The following ST6GALNAC3 variants were observed in gnomAD, a reference collection of about 807,000 sequenced individuals.
ST6GALNAC3 encodes alpha-N-acetylgalactosaminide alpha-2,6-sialyltransferase 3.
In ST6GALNAC3, 25 loss-of-function variants were observed where a neutral mutation model predicts 32.7. That is an observed-to-expected ratio of 0.76 (90% CI 0.56 to 1.07). The LOEUF is 1.07. Among genes scored for constraint, ST6GALNAC3 ranks in the 50% least tolerant of loss-of-function variants. The pLI is 0.00. For missense variants in ST6GALNAC3, 355 were observed against 382.4 expected, an observed-to-expected ratio of 0.93 and a Z score of 0.60; for synonymous variants, 129 against 133.1, an observed-to-expected ratio of 0.97 and a Z score of 0.21.
rs1456436559 is a variant in ST6GALNAC3, at chr1:76,632,071, T to C, written c.*3265T>C. The C allele has an allele frequency of 6.6e-6, 1 of 152,094 alleles. No individual in the cohort carries two copies. Among genetic ancestry groups the C allele is most frequent in the Non-Finnish European group, 1.5e-5 (1 of 68,002 alleles). The allele number at this position is 152,094 out of a possible 1,614,324, so 9.4% of individuals were successfully genotyped here. A position where few individuals can be genotyped will look rare whatever the true frequency, so the allele number is the denominator to read the frequency against. The stretch of plus-strand genomic sequence containing the variant: ...ATTTGTGTGTGTGTGAACGCACATA[T>C]ATATACATCTATATACTTATAACTA... On this transcript the variant is annotated 3_prime_UTR_variant, in exon 5 of 5. Transcript: ENST00000328299.
intron 1 of ST6GALNAC3, among the ~76,000 whole-genome samples, chr1:76,167,624 C>G (rs1213836929): frequency 6.7e-6 from 1 of 148,742 alleles, no homozygotes; most frequent in Admixed American, 6.7e-5. Flanking sequence ...TGGCCCTGGG[C>G]TTTTATTGGT....
At chr1:76,338,280 A>G (rs1647669477) in intron 2 of ST6GALNAC3, among the ~76,000 whole-genome samples, 1 of 152,198 alleles carries the variant, frequency 6.6e-6, no homozygotes, top group Non-Finnish European at 1.5e-5. Context: ...AATTACAGGA[A>G]TCAATGTGTA....
At chr1:76,391,040 C>G (rs536036407) in intron 2 of ST6GALNAC3, among the ~76,000 whole-genome samples, 1 of 150,956 alleles carries the variant, frequency 6.6e-6, no homozygotes, top group Non-Finnish European at 1.5e-5. Flanking sequence ...CCCAGGATCA[C>G]GCCATTCTCC....
intron 1 of ST6GALNAC3, among the ~76,000 whole-genome samples, chr1:76,277,328 T>C (rs1398491415): frequency 1.3e-5 from 2 of 151,786 alleles, no homozygotes; most frequent in African/African-American, 2.4e-5. Flanking sequence ...AGTGTGGTAC[T>C]GACACAAAGA....
intron 1 of ST6GALNAC3, among the ~76,000 whole-genome samples, chr1:76,285,385 GGTGTGTGT>G (rs140357874): frequency 1.3e-5 from 2 of 148,374 alleles, no homozygotes; most frequent in Non-Finnish European, 3.0e-5. Flanking sequence ...TCGGGAGGAT[GGTGTGTGT>G]GTGTGTGTGT....
chr1:76,406,144 G>T (rs1653818120), intron 2 of ST6GALNAC3, among the ~76,000 whole-genome samples: 2 of 152,046 alleles, frequency 1.3e-5, no homozygotes, highest in African/African-American at 4.8e-5. Flanking sequence ...GTCAGCCATT[G>T]TCCTGGATCC....
intron 3 of ST6GALNAC3, among the ~76,000 whole-genome samples, chr1:76,619,166 A>T (rs1648481051): frequency 6.6e-6 from 1 of 152,180 alleles, no homozygotes; most frequent in South Asian, 2.1e-4. Flanking sequence ...TAGGTAGAGG[A>T]TATACTGATT....
At position 76,487,081 on chromosome 1, in the gene ST6GALNAC3, C is replaced by T. The variant is rs887897876; in HGVS notation, c.623+74664C>T. 1.9e-4 allele frequency among the ~76,000 whole-genome samples: 29 copies of T among 152,286 alleles called. No homozygotes were observed. In the East Asian group the frequency reaches 5.6e-3, roughly 29 times the overall value. On this transcript the variant is annotated intron_variant, in intron 3 of 4. Coordinates refer to ENST00000328299, the MANE Select transcript of ST6GALNAC3 (RefSeq NM_152996.4). The stretch of plus-strand genomic sequence containing the variant: ...TACTCTCTTCTGGCTTGTAGAGTTT[C>T]TGCCAAGAGATCAGCTGTTAGTCTG...
At chr1:76,239,234 A>G (rs1361037021) in intron 1 of ST6GALNAC3, among the ~76,000 whole-genome samples, 2 of 152,062 alleles carry the variant, frequency 1.3e-5, no homozygotes, top group African/African-American at 4.8e-5. Context: ...TCTTTCTTCT[A>G]ACACCCTAGT....
chr1:76,240,992 C>T (rs531588), intron 1 of ST6GALNAC3, among the ~76,000 whole-genome samples: 2,334 of 152,252 alleles, frequency 0.015, 29 homozygotes, highest in Non-Finnish European at 0.024. Flanking sequence ...CAACCCTTCT[C>T]TTTCTTACTG....
intron 1 of ST6GALNAC3, among the ~76,000 whole-genome samples, chr1:76,199,043 G>C (rs1344164458): frequency 6.6e-6 from 1 of 152,158 alleles, no homozygotes; most frequent in Admixed American, 6.5e-5. Context: ...AAGTTCAGAA[G>C]AGTTAGCTCT....
intron 1 of ST6GALNAC3, among the ~76,000 whole-genome samples, chr1:76,170,747 A>C (rs1042168081): frequency 6.6e-6 from 1 of 152,206 alleles, no homozygotes; most frequent in Non-Finnish European, 1.5e-5. Flanking sequence ...AAAGGCAGAC[A>C]AACCACAGTA....
At chr1:76,229,067 T>C (rs2100631336) in intron 1 of ST6GALNAC3, among the ~76,000 whole-genome samples, 1 of 152,222 alleles carries the variant, frequency 6.6e-6, no homozygotes, top group East Asian at 1.9e-4. Flanking sequence ...ATTATATGAA[T>C]GGACAATGGC....
intron 1 of ST6GALNAC3, among the ~76,000 whole-genome samples, chr1:76,212,714 G>A (rs564982955): frequency 1.3e-5 from 2 of 152,232 alleles, no homozygotes; most frequent in South Asian, 4.1e-4. Flanking sequence ...TGAAATTCAG[G>A]TGGTTGATTT....
intron 3 of ST6GALNAC3, among the ~76,000 whole-genome samples, chr1:76,541,104 A>C (rs1326747472): frequency 1.3e-5 from 2 of 152,194 alleles, no homozygotes; most frequent in African/African-American, 4.8e-5. Context: ...AAAATAGCAT[A>C]GTATATTCTG....
At chr1:76,360,668 A>T (rs898086211) in intron 2 of ST6GALNAC3, among the ~76,000 whole-genome samples, 2 of 152,226 alleles carry the variant, frequency 1.3e-5, no homozygotes, top group Admixed American at 1.3e-4. Flanking sequence ...AGATTATATT[A>T]TGCATTAATT....
At chr1:76,356,877 C>CTTGTCA in intron 2 of ST6GALNAC3, among the ~76,000 whole-genome samples, 1 of 152,018 alleles carries the variant, frequency 6.6e-6, no homozygotes, top group African/African-American at 2.4e-5. Flanking sequence ...TCAGCAAAAC[C>CTTGTCA]GTATTGCGGT....
At chr1:76,507,607 A>C (rs1432070532) in intron 3 of ST6GALNAC3, among the ~76,000 whole-genome samples, 1 of 152,186 alleles carries the variant, frequency 6.6e-6, no homozygotes, top group Non-Finnish European at 1.5e-5. Context: ...TCTGTACTTC[A>C]TTCATTTTTA....
chr1:76,112,573 T>C (rs1648107722), intron 1 of ST6GALNAC3, among the ~76,000 whole-genome samples: 1 of 149,902 alleles, frequency 6.7e-6, no homozygotes, highest in Non-Finnish European at 1.5e-5. Context: ...CGCTCCTCAC[T>C]TCCCAGACGG....
Sources: allele counts gnomAD v4.1 joint callset (sites outside exome capture counted in the v4.1 genomes callset), GRCh38; gene constraint gnomAD v4.1.1; transcripts MANE v1.5; gene names NCBI Gene and HGNC (gene_info 2026-07-23, HGNC 2026-07-21).